Variants in CASP8 observed in about 807,000 individuals in gnomAD.
CASP8 encodes caspase 8, also known as caspase-8.
A neutral mutation model predicts 46.3 loss-of-function variants in CASP8; 24 were observed. The ratio of observed to expected loss-of-function variants is 0.52; its 90% CI spans 0.38 to 0.73. The LOEUF (loss-of-function observed/expected upper bound fraction) is 0.73, where lower values mean the gene tolerates loss of function less well. Among genes scored for constraint, CASP8 ranks in the 30% least tolerant of loss-of-function variants. The pLI, the probability that CASP8 is intolerant of heterozygous loss-of-function variation, is 0.00. For missense variants in CASP8, 460 were observed against 559.0 expected (o/e 0.82, Z 1.79); for synonymous variants, 188 against 200.4 (o/e 0.94, Z 0.52).
At chr2:201,238,120 G>C (rs544534760) in intron 2 of CASP8, among the ~76,000 whole-genome samples, 3 of 152,192 alleles carry the variant, frequency 2.0e-5, no homozygotes, top group East Asian at 3.8e-4. Flanking sequence ...CAAAGAGGAA[G>C]AGTATTCCAA....
At chr2:201,237,371 G>A (rs1229173244) in intron 2 of CASP8, among the ~76,000 whole-genome samples, 9 of 148,268 alleles carry the variant, frequency 6.1e-5, no homozygotes, top group Non-Finnish European at 1.0e-4. Context: ...GATTACAGGC[G>A]TGAGCCACCT....
Position 201,266,528 on chromosome 2 carries a change from G to C in CASP8, c.42G>C (p.Leu14=), listed in dbSNP as rs755684176. The C allele has an allele frequency of 6.2e-7, 1 of 1,614,130 alleles. No individual in the cohort carries two copies. Among genetic ancestry groups the C allele is most frequent in the Non-Finnish European group, 8.5e-7 (1 of 1,179,974 alleles). ...ATCTTTATGATATTGGGGAACAACTGGACAGTGAAGATCTGGCCTCCCTCA... is the reference window on the plus strand; with the variant it reads ...ATCTTTATGATATTGGGGAACAACTCGACAGTGAAGATCTGGCCTCCCTCA... ...SRNLYDIGEQ[L]DSEDLASLKF... The change falls in exon 2 of 9, where the codon CTG becomes CTC. Residue 14 remains leucine (L), a synonymous_variant. Transcript: ENST00000673742. This position sits in a 1 kb window ranked among gnomAD's most constrained non-coding sequence, Gnocchi z 5.7.
chr2:201,244,023 C>T (rs1946407829), intron 2 of CASP8, among the ~76,000 whole-genome samples: 1 of 152,152 alleles, frequency 6.6e-6, no homozygotes, highest in Non-Finnish European at 1.5e-5. Flanking sequence ...TTCCTAAACT[C>T]CATCCTTTGA....
chr2:201,246,120 T>C (rs1431516113), intron 2 of CASP8, among the ~76,000 whole-genome samples: 1 of 152,222 alleles, frequency 6.6e-6, no homozygotes, highest in Admixed American at 6.5e-5. Context: ...TGCCTTGGCC[T>C]CCCAAAGTGC....
intron 6 of CASP8, 108 bp from the exon 7 acceptor site, chr2:201,276,719 T>G (rs1041089733): frequency 7.1e-7 from 1 of 1,407,568 alleles, no homozygotes; most frequent in East Asian, 2.4e-5. Context: ...CGACCCCGAG[T>G]TGGGGTGGTG....
At chr2:201,259,978 T>G (rs1000869259), upstream of CASP8, among the ~76,000 whole-genome samples, 17 of 124,978 alleles carry the variant, frequency 1.4e-4, no homozygotes, top group Non-Finnish European at 2.8e-4. Context: ...CTTTTTAGAG[T>G]TTTTTTTTTT....
upstream of CASP8, among the ~76,000 whole-genome samples, chr2:201,257,315 C>T (rs1189075758): frequency 6.6e-6 from 1 of 151,344 alleles, no homozygotes; most frequent in East Asian, 1.9e-4. Flanking sequence ...ATCCCCATCT[C>T]TATTAAAAAT....
intron 2 of CASP8, among the ~76,000 whole-genome samples, chr2:201,239,203 A>G (rs1168578668): frequency 3.3e-5 from 5 of 152,156 alleles, no homozygotes; most frequent in Non-Finnish European, 7.4e-5. Flanking sequence ...CAATTTCTCA[A>G]TCTTTTCCCC....
chr2:201,234,645 G>T (rs1291072953), intron 2 of CASP8, among the ~76,000 whole-genome samples: 1 of 150,950 alleles, frequency 6.6e-6, no homozygotes, highest in African/African-American at 2.4e-5. Flanking sequence ...TAGTAGAGAT[G>T]GGGGGGTCTC....
intron 2 of CASP8, among the ~76,000 whole-genome samples, chr2:201,245,313 T>C (rs1946463475): frequency 1.3e-5 from 2 of 152,020 alleles, no homozygotes; most frequent in Non-Finnish European, 2.9e-5. Context: ...TGGCTCAATC[T>C]CACTGCTACT....
chr2:201,276,712 C>A, intron 6 of CASP8, 115 bp from the exon 7 acceptor site: 1 of 1,348,224 alleles, frequency 7.4e-7, no homozygotes. Flanking sequence ...GAGGAAACGA[C>A]CCCGAGTTGG....
chr2:201,244,085 G>C (rs952077734), intron 2 of CASP8, among the ~76,000 whole-genome samples: 1 of 152,154 alleles, frequency 6.6e-6, no homozygotes, highest in East Asian at 1.9e-4. Context: ...GGACCTGAAT[G>C]GGTTGGATTT....
At chr2:201,262,646 C>G (rs1170553023) in intron 1 of CASP8, among the ~76,000 whole-genome samples, 1 of 152,098 alleles carries the variant, frequency 6.6e-6, no homozygotes, top group Non-Finnish European at 1.5e-5. Context: ...TCTGTACTTT[C>G]TCTATGAAAC....
At chr2:201,265,856 C>T (rs1181323091) in intron 1 of CASP8, among the ~76,000 whole-genome samples, 1 of 152,178 alleles carries the variant, frequency 6.6e-6, no homozygotes, top group Non-Finnish European at 1.5e-5. Context: ...TTCTCGCATT[C>T]TCCCCAAAAT....
At chr2:201,241,022 A>T (rs1946275650) in intron 2 of CASP8, 1 of 152,248 alleles carries the variant, frequency 6.6e-6, no homozygotes, top group South Asian at 2.1e-4. Context: ...GGATAAAAGC[A>T]GTACTAAGCA....
chr2:201,273,310 T>C (rs1185397905), intron 5 of CASP8, among the ~76,000 whole-genome samples: 2 of 152,152 alleles, frequency 1.3e-5, no homozygotes, highest in Non-Finnish European at 2.9e-5. Flanking sequence ...CTGCCTGCCT[T>C]GGCCTCCCAA....
At chr2:201,261,035 G>A (rs1402993010) in intron 1 of CASP8, among the ~76,000 whole-genome samples, 3 of 151,948 alleles carry the variant, frequency 2.0e-5, no homozygotes, top group Admixed American at 2.0e-4. Context: ...CAACATAAAC[G>A]CACACACACA....
intron 2 of CASP8, among the ~76,000 whole-genome samples, chr2:201,249,771 C>T (rs1946696428): frequency 2.0e-5 from 3 of 152,112 alleles, no homozygotes; most frequent in African/African-American, 7.2e-5. Flanking sequence ...TTCCCATATA[C>T]CCTCTGCCTC....
At chr2:201,243,818 G>A (rs1946399113) in intron 2 of CASP8, among the ~76,000 whole-genome samples, 1 of 152,182 alleles carries the variant, frequency 6.6e-6, no homozygotes, top group Admixed American at 6.5e-5. Context: ...GGAGGCGATG[G>A]GCTGAGTCCT....
Sources: allele counts gnomAD v4.1 joint callset (sites outside exome capture counted in the v4.1 genomes callset), GRCh38; gene constraint gnomAD v4.1.1; non-coding constraint Gnocchi (gnomAD v3.1); transcripts MANE v1.5; gene names NCBI Gene and HGNC (gene_info 2026-07-23, HGNC 2026-07-21).